Variants in CYP4V2 observed in about 807,000 individuals in gnomAD.
CYP4V2 encodes the protein cytochrome P450 4V2.
A neutral mutation model predicts 60.8 loss-of-function variants in CYP4V2; 55 were observed. That is an observed-to-expected ratio of 0.90 (90% CI 0.73 to 1.13). CYP4V2 has a LOEUF of 1.13. Ranked by LOEUF, CYP4V2 falls within the 50% of genes most tolerant of loss-of-function variation. CYP4V2 has a pLI of 0.00. For missense variants in CYP4V2, 675 were observed against 662.9 expected, an observed-to-expected ratio of 1.02 and a Z score of -0.20; for synonymous variants, 239 against 236.8, an observed-to-expected ratio of 1.01 and a Z score of -0.08.
Position 186,197,485 on chromosome 4 carries a change from A to G in CYP4V2, c.605-48A>G, listed in dbSNP as rs765384088. 5.7e-6 allele frequency: 9 copies of G among 1,579,932 alleles called. No homozygotes were observed. In the African/African-American group the frequency reaches 1.2e-4, roughly 21 times the overall value. On this transcript the variant is annotated intron_variant, in intron 4 of 10. Coordinates refer to ENST00000378802, the MANE Select transcript of CYP4V2 (RefSeq NM_207352.4). ...TGCCGCTGCAAAATAAACACGAGATAACTAACGTGCGTGAATTGAATGGTT... is the reference window on the plus strand; with the variant it reads ...TGCCGCTGCAAAATAAACACGAGATGACTAACGTGCGTGAATTGAATGGTT...
chr4:186,201,056 A>G, intron 6 of CYP4V2, 101 bp from the exon 7 acceptor site: 1 of 1,231,936 alleles, frequency 8.1e-7, no homozygotes, highest in Non-Finnish European at 1.2e-6. Flanking sequence ...TAGGCTTAGA[A>G]AAATAAATGA....
chr4:186,201,373 TAAAC>T, intron 7 of CYP4V2, 31 bp downstream of exon 7: 2 of 1,607,890 alleles, frequency 1.2e-6, no homozygotes, highest in Non-Finnish European at 1.7e-6. Context: ...CAGATATCAT[TAAAC>T]AAATTTCAGT....
intron 7 of CYP4V2, chr4:186,204,104 T>C (rs1004850594): frequency 6.5e-6 from 1 of 154,254 alleles, no homozygotes; most frequent in Admixed American, 6.4e-5. Flanking sequence ...AGGAGGTAGA[T>C]AAGAAGCCAG....
rs770028183 is a variant in CYP4V2 at position 186,209,191 on chromosome 4, G to A, written c.1324G>A (p.Glu442Lys). The change falls in exon 10 of 11, where the codon GAG becomes AAG. Residue 442 changes from glutamate (E) to lysine (K), a missense_variant. Physicochemically the swap from Glu to Lys is moderately conservative, Grantham distance 56. Coordinates refer to ENST00000378802, the MANE Select transcript of CYP4V2 (RefSeq NM_207352.4). ...CCCCAACCCCGAGGAGTTCCAGCCT[G>A]AGCGGTTCTTCCCCGAGAATGCACA... ...YFPNPEEFQP[E>K]RFFPENAQGR... 6 of 1,613,980 alleles carry A rather than the reference G, an allele frequency of 3.7e-6. No individual in the cohort carries two copies. In the African/African-American group the frequency reaches 6.7e-5, roughly 18 times the overall value.
At chr4:186,196,837 T>C (rs997750763) in intron 3 of CYP4V2, 103 bp from the exon 4 acceptor site, 33 of 1,212,954 alleles carry the variant, frequency 2.7e-5, no homozygotes, top group South Asian at 1.2e-4. Context: ...GAGAATTTTG[T>C]TGACTTGCTA....
In CYP4V2 at chr4:186,195,953, A is replaced by C; in HGVS notation, c.328-50A>C. ...AGCCAGTATTCCTATAATTACAGGAAGGTTGTTTGATGTCTGTATGTCTCT... is the reference window on the plus strand; with the variant it reads ...AGCCAGTATTCCTATAATTACAGGACGGTTGTTTGATGTCTGTATGTCTCT... On this transcript the variant is annotated intron_variant, in intron 2 of 10. Transcript: ENST00000378802. The surrounding 1 kb of genome is among the most constrained non-coding windows in gnomAD (Gnocchi z 4.1). 7.7e-7 allele frequency: 1 copy of C among 1,296,714 alleles called. No homozygotes were observed. The highest frequency in any genetic ancestry group is 1.1e-6 in the Non-Finnish European group (1 of 894,798). The allele number at this position is 1,296,714 out of a possible 1,614,324, so 80.3% of individuals were successfully genotyped here.
intron 10 of CYP4V2, 60 bp downstream of exon 10, chr4:186,209,332 A>G (rs1736637233): frequency 5.6e-6 from 9 of 1,604,990 alleles, no homozygotes; most frequent in African/African-American, 2.7e-5. Flanking sequence ...GGTTTCTCAC[A>G]GTGATTTCTT....
At chr4:186,209,664 G>T (rs1370617617) in intron 10 of CYP4V2, among the ~76,000 whole-genome samples, 2 of 152,134 alleles carry the variant, frequency 1.3e-5, no homozygotes, top group East Asian at 1.9e-4. Context: ...GTGTGGGTCT[G>T]TGTCCTGATC....
chr4:186,213,353 C>A lies in CYP4V2; in HGVS notation c.*2712C>A, dbSNP rs186811068. 7 of 152,294 alleles carry A rather than the reference C, an allele frequency of 4.6e-5. No homozygotes were observed. The highest frequency in any genetic ancestry group is 4.6e-4 in the Admixed American group (7 of 15,296). 9.4% of individuals were successfully genotyped at this position (152,294 alleles called of 1,614,324 possible). On this transcript the variant is annotated 3_prime_UTR_variant, in exon 11 of 11. Coordinates refer to ENST00000378802, the MANE Select transcript of CYP4V2 (RefSeq NM_207352.4). ...AATTCTATTTTAGATGCAGGTACTG[C>A]ATTTTATTCTAAGAATTGATATCAA...
In CYP4V2 at chr4:186,210,511, G is replaced by T. The variant is rs780771539; in HGVS notation, c.1448G>T (p.Cys483Phe). 1.9e-6 allele frequency: 3 copies of T among 1,614,172 alleles called. No homozygotes were observed. In the South Asian group the frequency reaches 3.3e-5, roughly 18 times the overall value. Residue 483 changes from cysteine to phenylalanine, a missense_variant, in exon 11 of 11, where the codon TGC becomes TTC. Coordinates refer to ENST00000378802, the MANE Select transcript of CYP4V2 (RefSeq NM_207352.4). Reference protein sequence around the residue: ...AVMEEKTILSCILRHFWIESN... With the variant: ...AVMEEKTILSFILRHFWIESN... The stretch of plus-strand genomic sequence containing the variant: ...ATGGAAGAAAAGACCATTCTTTCGT[G>T]CATCCTGAGGCACTTTTGGATAGAA...
At chr4:186,194,666 A>C in intron 2 of CYP4V2, 54 bp downstream of exon 2, 3 of 1,465,836 alleles carry the variant, frequency 2.0e-6, no homozygotes, top group Non-Finnish European at 2.9e-6. Context: ...CAGTGTGAGA[A>C]TCTCACCAGA....
intron 8 of CYP4V2, among the ~76,000 whole-genome samples, chr4:186,208,250 C>T (rs139229663): frequency 4.2e-4 from 60 of 143,724 alleles, no homozygotes; most frequent in Admixed American, 1.1e-3. Flanking sequence ...GTATTTGATG[C>T]GTATTTGATG....
Position 186,209,176 on chromosome 4 carries a change from G to A in CYP4V2, c.1309G>A (p.Glu437Lys), listed in dbSNP as rs750224316. The A allele has an allele frequency of 1.6e-5, 26 of 1,613,824 alleles. No homozygotes were observed. The highest frequency in any genetic ancestry group is 1.6e-4 in the Middle Eastern group (1 of 6,084). The change falls in exon 10 of 11, where the codon GAG becomes AAG. Residue 437 changes from glutamate to lysine, a missense_variant. Transcript: ENST00000378802. ...HRDPRYFPNP[E>K]EFQPERFFPE... is the part of the protein sequence containing the mutation. ...AGATCCGAGATACTTCCCCAACCCCGAGGAGTTCCAGCCTGAGCGGTTCTT... is the reference window on the plus strand; with the variant it reads ...AGATCCGAGATACTTCCCCAACCCCAAGGAGTTCCAGCCTGAGCGGTTCTT...
chr4:186,204,955 AG>A, intron 7 of CYP4V2: 1 of 548,126 alleles, frequency 1.8e-6, no homozygotes, highest in South Asian at 2.0e-5. Context: ...AACACAGCAC[AG>A]GCACGTCCCA....
chr4:186,194,577 C>T lies in CYP4V2; in HGVS notation c.292C>T (p.Pro98Ser), dbSNP rs1402621376. The T allele has an allele frequency of 1.9e-6, 3 of 1,613,980 alleles. No homozygotes were observed. The highest frequency in any genetic ancestry group is 2.7e-5 in the African/African-American group (2 of 74,914). The change falls in exon 2 of 11, where the codon CCC becomes TCC. Residue 98 changes from proline (P) to serine (S), a missense_variant. Pro to Ser is a moderately conservative substitution (Grantham distance 74). Coordinates refer to ENST00000378802, the MANE Select transcript of CYP4V2 (RefSeq NM_207352.4). ...GCTGAAGCTCTGGGTCGGGCCAGTG[C>T]CCATGGTGGCCCTTTATAATGCAGA... ...PLLKLWVGPVPMVALYNAENV... is the reference protein window; with the variant it reads ...PLLKLWVGPVSMVALYNAENV...
chr4:186,194,634 C>G, intron 2 of CYP4V2, 22 bp downstream of exon 2: 1 of 1,563,088 alleles, frequency 6.4e-7, no homozygotes. Context: ...TGAATATGAT[C>G]AGTATTGTAC....
At chr4:186,209,461 T>G (rs1016856615) in intron 10 of CYP4V2, among the ~76,000 whole-genome samples, 189 bp downstream of exon 10, 13 of 152,208 alleles carry the variant, frequency 8.5e-5, no homozygotes, top group African/African-American at 2.9e-4. Context: ...TATATTAGTA[T>G]ATTCGCCTGC....
chr4:186,204,193 A>C (rs1457831164), intron 7 of CYP4V2: 1 of 173,718 alleles, frequency 5.8e-6, no homozygotes, highest in Non-Finnish European at 1.3e-5. Context: ...CGGAGACGTT[A>C]CGCTACCGCT....
chr4:186,199,173 T>A, intron 6 of CYP4V2, 90 bp downstream of exon 6: 2 of 1,356,008 alleles, frequency 1.5e-6, no homozygotes, highest in Non-Finnish European at 2.1e-6. Context: ...TTGGTGGTAT[T>A]AAGTGCATTC....
Sources: allele counts gnomAD v4.1 joint callset (sites outside exome capture counted in the v4.1 genomes callset), GRCh38; gene constraint gnomAD v4.1.1; non-coding constraint Gnocchi (gnomAD v3.1); transcripts MANE v1.5; gene names NCBI Gene and HGNC (gene_info 2026-07-23, HGNC 2026-07-21).